DNAJC1: variants seen among roughly 807,000 people sequenced by gnomAD.
DNAJC1 encodes the protein DnaJ heat shock protein family (Hsp40) member C1.
In DNAJC1, 58 loss-of-function variants were observed where a neutral mutation model predicts 76.6. That is an observed-to-expected ratio of 0.76 (90% CI 0.61 to 0.94). The LOEUF (loss-of-function observed/expected upper bound fraction) is 0.94, where lower values mean the gene tolerates loss of function less well. Among genes scored for constraint, DNAJC1 ranks in the 40% least tolerant of loss-of-function variants. The pLI is 0.00. For synonymous variants in DNAJC1, 258 were observed against 267.9 expected (o/e 0.96, Z 0.36); for missense variants, 689 against 677.3 (o/e 1.02, Z -0.19).
intron 8 of DNAJC1, among the ~76,000 whole-genome samples, chr10:21,856,765 T>C (rs905509741): frequency 2.0e-5 from 3 of 151,938 alleles, no homozygotes; most frequent in African/African-American, 7.3e-5. Context: ...AGACAGAGTC[T>C]CACTCTTCTC....
intron 9 of DNAJC1, among the ~76,000 whole-genome samples, chr10:21,798,999 T>C (rs1331655399): frequency 6.6e-6 from 1 of 152,194 alleles, no homozygotes; most frequent in African/African-American, 2.4e-5. Context: ...TGACCAACAA[T>C]CTACTGCTAG....
At chr10:21,888,535 T>A (rs1282565377) in intron 7 of DNAJC1, among the ~76,000 whole-genome samples, 1 of 152,056 alleles carries the variant, frequency 6.6e-6, no homozygotes, top group Non-Finnish European at 1.5e-5. Context: ...TACATATACA[T>A]CATGGGATAC....
chr10:21,969,917 C>G (rs1837952713), intron 1 of DNAJC1, among the ~76,000 whole-genome samples: 1 of 152,144 alleles, frequency 6.6e-6, no homozygotes. Flanking sequence ...TCACTTGGCA[C>G]TTTCCCAATT....
Position 21,808,804 on chromosome 10 carries a change from C to A in DNAJC1, c.979-2705G>T, listed in dbSNP as rs563912498. ...TAAAACCATGTGTGTCCAATCTTAC[C>A]GAAACACCGGGCCAAATATTCATCT... is the stretch of plus-strand genomic sequence containing the variant. On this transcript the variant is annotated intron_variant, in intron 8 of 11. Coordinates refer to ENST00000376980, the MANE Select transcript of DNAJC1 (RefSeq NM_022365.4). Among the ~76,000 whole-genome samples, 18 of 152,248 alleles carry A rather than the reference C, an allele frequency of 1.2e-4. No homozygotes were observed. The South Asian group carries it at 3.7e-3, about 32-fold the overall frequency.
chr10:21,808,697 G>A (rs1164098364), intron 8 of DNAJC1, among the ~76,000 whole-genome samples: 1 of 152,220 alleles, frequency 6.6e-6, no homozygotes, highest in Non-Finnish European at 1.5e-5. Context: ...GCCATGGTGT[G>A]AATGTACTCT....
At chr10:21,768,877 A>G (rs1395678697) in intron 9 of DNAJC1, among the ~76,000 whole-genome samples, 1 of 152,134 alleles carries the variant, frequency 6.6e-6, no homozygotes, top group Admixed American at 6.6e-5. Flanking sequence ...TCACAGAACT[A>G]TGCTCCATCA....
intron 8 of DNAJC1, among the ~76,000 whole-genome samples, chr10:21,854,292 C>T (rs1453676514): frequency 7.1e-6 from 1 of 140,564 alleles, no homozygotes; most frequent in Non-Finnish European, 1.5e-5. Flanking sequence ...CTATACTATA[C>T]AATATGGTGA....
chr10:21,871,670 C>A (rs1366028554), intron 8 of DNAJC1, among the ~76,000 whole-genome samples: 1 of 151,990 alleles, frequency 6.6e-6, no homozygotes, highest in Admixed American at 6.6e-5. Context: ...ATTTTTGAGA[C>A]AGAGTCTCAC....
At chr10:21,818,950 G>C (rs1835115584) in intron 8 of DNAJC1, among the ~76,000 whole-genome samples, 1 of 152,246 alleles carries the variant, frequency 6.6e-6, no homozygotes, top group East Asian at 1.9e-4. Context: ...GAAAAATGCA[G>C]AAGAGTAAAT....
chr10:21,787,243 G>A (rs1228790805), intron 9 of DNAJC1, among the ~76,000 whole-genome samples: 2 of 152,066 alleles, frequency 1.3e-5, no homozygotes, highest in Non-Finnish European at 2.9e-5. Context: ...CAGGAGAATT[G>A]CTTGAACCCA....
At chr10:21,988,744 C>G (rs188011194) in intron 1 of DNAJC1, among the ~76,000 whole-genome samples, 299 of 152,222 alleles carry the variant, frequency 2.0e-3, no homozygotes, top group Non-Finnish European at 2.9e-3. Flanking sequence ...CCCAGAAAGT[C>G]TTCTTCAGAG....
At chr10:21,871,913 G>A (rs1241336844) in intron 8 of DNAJC1, among the ~76,000 whole-genome samples, 1 of 151,926 alleles carries the variant, frequency 6.6e-6, no homozygotes, top group Non-Finnish European at 1.5e-5. Context: ...GAGATTACAG[G>A]TGTGAATCAC....
chr10:21,900,516 T>C (rs1437428480), intron 7 of DNAJC1, among the ~76,000 whole-genome samples: 1 of 152,158 alleles, frequency 6.6e-6, no homozygotes, highest in African/African-American at 2.4e-5. Flanking sequence ...ATTAAGGGAA[T>C]TGTAAATTTA....
chr10:21,989,900 G>A (rs1482018077), intron 1 of DNAJC1, among the ~76,000 whole-genome samples: 1 of 152,204 alleles, frequency 6.6e-6, no homozygotes, highest in Non-Finnish European at 1.5e-5. Flanking sequence ...TCACACTCAA[G>A]ATGGGCCTGA....
Position 21,929,583 on chromosome 10 carries a change from T to C in DNAJC1, c.223-442A>G, listed in dbSNP as rs534995069. On this transcript the variant is annotated intron_variant, in intron 1 of 11. Coordinates refer to ENST00000376980, the MANE Select transcript of DNAJC1 (RefSeq NM_022365.4). The stretch of plus-strand genomic sequence containing the variant: ...CCATATGGTTTCTCTATTATTTATA[T>C]TGAGTTTATCATCTCAGCAACAACC... Among the ~76,000 whole-genome samples the C allele has an allele frequency of 1.6e-4, 24 of 152,340 alleles. No individual in the cohort carries two copies. In the East Asian group the frequency reaches 2.3e-3, roughly 15 times the overall value.
At chr10:21,920,573 C>T in intron 4 of DNAJC1, 1 of 344,934 alleles carries the variant, frequency 2.9e-6, no homozygotes, top group Non-Finnish European at 5.0e-6. Context: ...TGGGCTTTCA[C>T]AAAGTTTTAT....
At chr10:21,806,446 T>C (rs1834884480) in intron 8 of DNAJC1, among the ~76,000 whole-genome samples, 1 of 151,782 alleles carries the variant, frequency 6.6e-6, no homozygotes, top group Non-Finnish European at 1.5e-5. Flanking sequence ...AATGCATCCT[T>C]GCTATAAAAT....
chr10:22,003,544 G>T lies in DNAJC1; in HGVS notation c.-110C>A, dbSNP rs1590088921. 1.1e-5 allele frequency: 13 copies of T among 1,231,608 alleles called. 1 individual carries two copies. In the Middle Eastern group the frequency reaches 9.2e-4, roughly 87 times the overall value. 76.3% of individuals were successfully genotyped at this position (1,231,608 alleles called of 1,614,324 possible). A position where few individuals can be genotyped will look rare whatever the true frequency, so the allele number is the denominator to read the frequency against. On this transcript the variant is annotated 5_prime_UTR_variant, in exon 1 of 12. Transcript: ENST00000376980. Reference sequence around the variant, plus strand: ...CAGCGCCTGTCAGTGAAAAGCGCGGGCAGGCGCACCGGAGCGGCCCGCCAG... The same window carrying T: ...CAGCGCCTGTCAGTGAAAAGCGCGGTCAGGCGCACCGGAGCGGCCCGCCAG...
chr10:21,888,079 TAAAC>T (rs1205080106), intron 7 of DNAJC1, among the ~76,000 whole-genome samples: 1 of 151,876 alleles, frequency 6.6e-6, no homozygotes, highest in Non-Finnish European at 1.5e-5. Flanking sequence ...GCAAATGACA[TAAAC>T]AGACACTTTT....
Sources: allele counts gnomAD v4.1 joint callset (sites outside exome capture counted in the v4.1 genomes callset), GRCh38; gene constraint gnomAD v4.1.1; transcripts MANE v1.5; gene names NCBI Gene and HGNC (gene_info 2026-07-23, HGNC 2026-07-21).